The following KCNT2 variants were observed in gnomAD, a reference collection of about 807,000 sequenced individuals.
The protein encoded by KCNT2 is potassium sodium-activated channel subfamily T member 2, also known as potassium channel subfamily T member 2.
A neutral mutation model predicts 153.8 loss-of-function variants in KCNT2; 67 were observed. The observed-to-expected ratio is 0.44, with a 90% CI of 0.36 to 0.53. The LOEUF is 0.53. KCNT2 is among the 20% of genes least tolerant of loss of function. The pLI, the probability that KCNT2 is intolerant of heterozygous loss-of-function variation, is 0.00. For missense variants in KCNT2, 975 were observed against 1,354.8 expected, an observed-to-expected ratio of 0.72 and a Z score of 4.40; for synonymous variants, 500 against 458.8, an observed-to-expected ratio of 1.09 and a Z score of -1.15.
intron 8 of KCNT2, among the ~76,000 whole-genome samples, chr1:196,453,148 C>T (rs1167237744): frequency 6.6e-6 from 1 of 151,800 alleles, no homozygotes; most frequent in Non-Finnish European, 1.5e-5. Context: ...AGTAACAGCA[C>T]CAATAGCTGG....
At chr1:196,306,121 G>T (rs1166719880) in intron 21 of KCNT2, among the ~76,000 whole-genome samples, 1 of 151,922 alleles carries the variant, frequency 6.6e-6, no homozygotes. Context: ...TGATATCTAT[G>T]CATCCCTGGT....
At chr1:196,435,658 G>A (rs1218092001) in intron 8 of KCNT2, among the ~76,000 whole-genome samples, 2 of 151,618 alleles carry the variant, frequency 1.3e-5, no homozygotes, top group African/African-American at 2.4e-5. Context: ...ATGTCACAGT[G>A]AATACTGCAT....
intron 26 of KCNT2, among the ~76,000 whole-genome samples, chr1:196,240,303 T>A (rs1011149803): frequency 1.3e-5 from 2 of 152,038 alleles, no homozygotes; most frequent in Non-Finnish European, 2.9e-5. Flanking sequence ...GCGATTAACA[T>A]CCTGGCATGA....
At chr1:196,257,207 G>C (rs951214917) in intron 26 of KCNT2, 2 of 980,474 alleles carry the variant, frequency 2.0e-6, no homozygotes, top group African/African-American at 3.5e-5. Context: ...ACCTAGCATA[G>C]TTCCTGGAGT....
At chr1:196,330,294 A>G (rs1664327363) in intron 18 of KCNT2, among the ~76,000 whole-genome samples, 1 of 151,854 alleles carries the variant, frequency 6.6e-6, no homozygotes, top group African/African-American at 2.4e-5. Flanking sequence ...GCACTTCATT[A>G]AACATGCACT....
intron 10 of KCNT2, among the ~76,000 whole-genome samples, chr1:196,426,790 G>T (rs941621938): frequency 6.6e-6 from 1 of 151,646 alleles, no homozygotes; most frequent in Admixed American, 6.6e-5. Context: ...GTTAAGAGAG[G>T]GGCCTGATGG....
At position 196,373,196 on chromosome 1, in the gene KCNT2, A is replaced by G. The variant is rs745377780; in HGVS notation, c.1347T>C (p.Cys449=). The change falls in exon 14 of 28, where the codon TGT becomes TGC. Residue 449 remains cysteine (C), a synonymous_variant. Transcript: ENST00000294725. ...TAAGTGTAGATGTTGCTGGGCATAT[A>G]CAGTTTAAAGCTAACATGGCGTATT... ...EFKYAMLALN[C]ICPATSTLIT... is the part of the protein sequence containing the mutation. 4 of 1,592,118 alleles carry G rather than the reference A, an allele frequency of 2.5e-6. No homozygotes were observed. Among genetic ancestry groups the G allele is most frequent in the African/African-American group, 2.7e-5 (2 of 74,214 alleles).
intron 20 of KCNT2, among the ~76,000 whole-genome samples, chr1:196,319,211 T>TTA (rs1304975020): frequency 6.6e-6 from 1 of 151,796 alleles, no homozygotes; most frequent in Non-Finnish European, 1.5e-5. Flanking sequence ...AATAATGTTG[T>TTA]TATAGATGAC....
chr1:196,312,599 C>T (rs1662297835), intron 21 of KCNT2, among the ~76,000 whole-genome samples: 1 of 151,642 alleles, frequency 6.6e-6, no homozygotes, highest in African/African-American at 2.4e-5. Context: ...AGCAGGCATT[C>T]TATTTCATCA....
At position 196,258,239 on chromosome 1, in the gene KCNT2, C is replaced by A; in HGVS notation, c.3166G>T (p.Val1056Leu). 1 of 1,614,044 alleles carries A rather than the reference C, an allele frequency of 6.2e-7. No homozygotes were observed. ...CCCAAGTGTTTCATTCTATTTTTCA[C>A]AAGTTCAGCAAGCTCTTGTCTTTCT... ...RSERQELAEL[V>L]KNRMKHLGLS... Residue 1056 changes from valine to leucine, a missense_variant, in exon 26 of 28, where the codon GTG (valine) becomes TTG (leucine). Transcript: ENST00000294725.
intron 26 of KCNT2, among the ~76,000 whole-genome samples, chr1:196,253,637 T>A (rs990620621): frequency 1.4e-4 from 21 of 151,562 alleles, no homozygotes; most frequent in African/African-American, 5.1e-4. Flanking sequence ...TACGCTTCCT[T>A]TGTCCAAAGT....
intron 13 of KCNT2, among the ~76,000 whole-genome samples, chr1:196,391,147 G>T (rs1670454258): frequency 6.6e-6 from 1 of 151,184 alleles, no homozygotes; most frequent in Admixed American, 6.6e-5. Context: ...ATGTAGTAAG[G>T]ATAAGCTCAT....
At chr1:196,504,067 C>A (rs960759063) in intron 1 of KCNT2, among the ~76,000 whole-genome samples, 2 of 152,070 alleles carry the variant, frequency 1.3e-5, no homozygotes, top group East Asian at 3.9e-4. Flanking sequence ...TACAAACTTA[C>A]GACAATACAA....
intron 8 of KCNT2, among the ~76,000 whole-genome samples, chr1:196,432,273 T>C (rs1331274203): frequency 5.9e-5 from 9 of 152,104 alleles, no homozygotes; most frequent in Non-Finnish European, 1.2e-4. Flanking sequence ...TTGGAGAGCC[T>C]TGGGGCCAAG....
chr1:196,246,776 A>T (rs1186402478), intron 26 of KCNT2, among the ~76,000 whole-genome samples: 1 of 152,146 alleles, frequency 6.6e-6, no homozygotes, highest in Non-Finnish European at 1.5e-5. Flanking sequence ...CATACAACAG[A>T]TACATGATAA....
At chr1:196,372,520 C>T (rs1668624827) in intron 14 of KCNT2, among the ~76,000 whole-genome samples, 1 of 151,748 alleles carries the variant, frequency 6.6e-6, no homozygotes, top group African/African-American at 2.4e-5. Flanking sequence ...TTTGATCATC[C>T]TAGTCAAAAA....
rs1388976504 is a variant in KCNT2, at chr1:196,596,049, A to G, written c.95+12166T>C. Among the ~76,000 whole-genome samples, 5 of 126,076 alleles carry G rather than the reference A, an allele frequency of 4.0e-5. No individual in the cohort carries two copies. In the East Asian group the frequency reaches 8.5e-4, roughly 21 times the overall value. The allele number at this position is 126,076 out of a possible 152,430, so 82.7% of individuals were successfully genotyped here. A position where few individuals can be genotyped will look rare whatever the true frequency, so the allele number is the denominator to read the frequency against. On this transcript the variant is annotated intron_variant, in intron 1 of 27. Transcript: ENST00000294725. ...CCTTGTTATGGCTGAGTTGTATTCC[A>G]TGATGTGTATATATATATATATATA...
At chr1:196,451,217 CTTTTTTTTT>C (rs561944079) in intron 8 of KCNT2, among the ~76,000 whole-genome samples, 156 of 63,566 alleles carry the variant, frequency 2.5e-3, no homozygotes, top group Non-Finnish European at 3.8e-3. Flanking sequence ...ATCCCTCTTT[CTTTTTTTTT>C]TTTTTTTTTT....
intron 9 of KCNT2, 63 bp from the exon 10 acceptor site, chr1:196,428,332 T>A: frequency 7.8e-6 from 9 of 1,150,792 alleles, no homozygotes; most frequent in Non-Finnish European, 1.2e-5. Context: ...ATCAATGCAA[T>A]ACATCTATTG....
Sources: gnomAD v4.1 joint callset for allele counts (sites outside exome capture counted in the v4.1 genomes callset) on GRCh38, gnomAD v4.1.1 for gene constraint, MANE v1.5 for transcripts, NCBI Gene and HGNC (gene_info 2026-07-23, HGNC 2026-07-21) for gene names.